Variants in PHYHIPL observed in about 807,000 individuals in gnomAD.
The protein encoded by PHYHIPL is phytanoyl-CoA 2-hydroxylase interacting protein like, also known as phytanoyl-CoA hydroxylase-interacting protein-like.
In PHYHIPL, 9 loss-of-function variants were observed where a neutral mutation model predicts 33.4. The observed-to-expected ratio is 0.27, with a 90% CI of 0.16 to 0.47. The LOEUF (loss-of-function observed/expected upper bound fraction) is 0.47, where lower values mean the gene tolerates loss of function less well. PHYHIPL is among the 20% of genes least tolerant of loss of function. The pLI is 0.99. For synonymous variants in PHYHIPL, 153 were observed against 154.1 expected (o/e 0.99, Z 0.05); for missense variants, 365 against 460.7 (o/e 0.79, Z 1.90).
At chr10:59,202,197 C>A (rs951238819) in intron 1 of PHYHIPL, among the ~76,000 whole-genome samples, 3 of 151,988 alleles carry the variant, frequency 2.0e-5, no homozygotes, top group African/African-American at 7.2e-5. Flanking sequence ...AAAATATTAT[C>A]CCAAAGGAGT....
At chr10:59,205,802 A>G (rs1334231891) in intron 1 of PHYHIPL, among the ~76,000 whole-genome samples, 1 of 152,202 alleles carries the variant, frequency 6.6e-6, no homozygotes, top group Admixed American at 6.5e-5. Flanking sequence ...GGTGGCAGCA[A>G]CAACAATAGG....
chr10:59,222,473 A>G (rs12249089), intron 1 of PHYHIPL, among the ~76,000 whole-genome samples: 8,197 of 152,034 alleles, frequency 0.054, 436 homozygotes, highest in African/African-American at 0.13. Flanking sequence ...GTGGCAAGCT[A>G]TAAGGTTAAA....
intron 1 of PHYHIPL, among the ~76,000 whole-genome samples, chr10:59,220,908 T>A (rs1258389816): frequency 6.6e-6 from 1 of 152,062 alleles, no homozygotes; most frequent in Non-Finnish European, 1.5e-5. Flanking sequence ...AACTAAAAAA[T>A]TAAAAATTAT....
chr10:59,242,403 C>T (rs543449612), intron 4 of PHYHIPL, among the ~76,000 whole-genome samples: 2 of 144,650 alleles, frequency 1.4e-5, no homozygotes, highest in Non-Finnish European at 3.0e-5. Context: ...ACCCCATACT[C>T]TTCACCCACT....
upstream of PHYHIPL, among the ~76,000 whole-genome samples, chr10:59,174,707 C>A (rs1051130742): frequency 2.0e-5 from 3 of 152,094 alleles, no homozygotes; most frequent in Non-Finnish European, 2.9e-5. Context: ...CTATTTAAAG[C>A]CTTTTTAATA....
chr10:59,197,191 C>T (rs1289154630), intron 1 of PHYHIPL, among the ~76,000 whole-genome samples: 1 of 152,178 alleles, frequency 6.6e-6, no homozygotes, highest in Admixed American at 6.5e-5. Context: ...ATAAAAATCC[C>T]TTGAATTCTA....
rs1174704439 is a variant in PHYHIPL at position 59,240,634 on chromosome 10, A to G, written c.596+1929A>G. Among the ~76,000 whole-genome samples the G allele has an allele frequency of 2.0e-5, 3 of 152,128 alleles. No homozygotes were observed. In the East Asian group the frequency reaches 5.8e-4, roughly 29 times the overall value. On this transcript the variant is annotated intron_variant, in intron 4 of 4. Coordinates refer to ENST00000373880, the MANE Select transcript of PHYHIPL (RefSeq NM_032439.4). ...AAGTCAGGGACTGTCTGTATTTGTT[A>G]CGCATAAAATTTGAAAACAAAAAAA... is the stretch of plus-strand genomic sequence containing the variant.
intron 4 of PHYHIPL, among the ~76,000 whole-genome samples, chr10:59,243,633 G>A (rs1840494276): frequency 6.6e-6 from 1 of 152,102 alleles, no homozygotes; most frequent in Non-Finnish European, 1.5e-5. Flanking sequence ...TTCAGAGGCA[G>A]ATCCAGGCAT....
rs971738979 is a variant in PHYHIPL, at chr10:59,176,839, G to A, written c.-15G>A. The A allele has an allele frequency of 2.5e-6, 4 of 1,608,284 alleles. No homozygotes were observed. The highest frequency in any genetic ancestry group is 1.7e-5 in the Admixed American group (1 of 59,452). On this transcript the variant is annotated 5_prime_UTR_variant, in exon 1 of 5. Transcript: ENST00000373880. ...CTGGATACGAAGCAGGCGGGCTTCAGAGTGGGTTGGAAAAATGGAGGTGCC... is the reference window on the plus strand; with the variant it reads ...CTGGATACGAAGCAGGCGGGCTTCAAAGTGGGTTGGAAAAATGGAGGTGCC...
intron 1 of PHYHIPL, among the ~76,000 whole-genome samples, chr10:59,200,286 A>G (rs1839060015): frequency 6.6e-6 from 1 of 152,104 alleles, no homozygotes; most frequent in Non-Finnish European, 1.5e-5. Context: ...AATTTTGTCA[A>G]AGGCCTTTTC....
chr10:59,179,842 T>TACACACACACACACACAC (rs147836305), intron 1 of PHYHIPL, among the ~76,000 whole-genome samples: 1 of 134,794 alleles, frequency 7.4e-6, no homozygotes, highest in Non-Finnish European at 1.6e-5. Flanking sequence ...GCAAGACAGT[T>TACACACACACACACACAC]ACACACACAC....
At chr10:59,203,761 C>A (rs954025984) in intron 1 of PHYHIPL, among the ~76,000 whole-genome samples, 3 of 56,840 alleles carry the variant, frequency 5.3e-5, no homozygotes, top group Non-Finnish European at 9.8e-5. Context: ...ACACCAGGGC[C>A]TGTCGTGGGG....
upstream of PHYHIPL, among the ~76,000 whole-genome samples, chr10:59,174,532 A>G (rs1033277711): frequency 2.6e-5 from 4 of 152,186 alleles, no homozygotes; most frequent in East Asian, 5.8e-4. Context: ...TAAAAAGTAA[A>G]TATTTCTTTT....
Position 59,247,460 on chromosome 10 carries a change from A to G in PHYHIPL, c.*1869A>G, listed in dbSNP as rs191338969. 7.6e-5 allele frequency: 66 copies of G among 870,094 alleles called. No homozygotes were observed. The East Asian group carries it at 1.3e-3, about 17-fold the overall frequency. The allele number at this position is 870,094 out of a possible 1,614,324, so 53.9% of individuals were successfully genotyped here. On this transcript the variant is annotated 3_prime_UTR_variant, in exon 5 of 5. Coordinates refer to ENST00000373880, the MANE Select transcript of PHYHIPL (RefSeq NM_032439.4). Reference sequence around the variant, plus strand: ...CCGTTTAAATCCCTTCTCCTTGTATATAATTAAACTTGCTATTCCTTCTTA... The same window carrying G: ...CCGTTTAAATCCCTTCTCCTTGTATGTAATTAAACTTGCTATTCCTTCTTA...
chr10:59,195,763 G>A (rs896822202), intron 1 of PHYHIPL, among the ~76,000 whole-genome samples: 5 of 151,954 alleles, frequency 3.3e-5, no homozygotes, highest in African/African-American at 7.3e-5. Context: ...TAAATTATAT[G>A]CTTTAATTGT....
intron 1 of PHYHIPL, among the ~76,000 whole-genome samples, chr10:59,205,728 C>A (rs1203152432): frequency 6.6e-6 from 1 of 151,990 alleles, no homozygotes; most frequent in Admixed American, 6.6e-5. Context: ...ATGGCACAGT[C>A]CCTCATGGCT....
chr10:59,224,955 A>G (rs180821776), intron 1 of PHYHIPL, among the ~76,000 whole-genome samples: 7 of 152,072 alleles, frequency 4.6e-5, no homozygotes, highest in African/African-American at 1.7e-4. Flanking sequence ...ATTATAATAA[A>G]CTGCATAAGA....
chr10:59,224,497 A>AAACAC (rs370140471), intron 1 of PHYHIPL, among the ~76,000 whole-genome samples: 10,365 of 70,454 alleles, frequency 0.15, 748 homozygotes, highest in African/African-American at 0.24. Context: ...AAACAAAACA[A>AAACAC]AAAACAAAAC....
chr10:59,183,025 A>T (rs977437177), intron 1 of PHYHIPL, among the ~76,000 whole-genome samples: 5 of 152,194 alleles, frequency 3.3e-5, no homozygotes, highest in African/African-American at 1.2e-4. Flanking sequence ...ACTTTTCTAG[A>T]GGCATATCTC....
Sources: allele counts gnomAD v4.1 joint callset (sites outside exome capture counted in the v4.1 genomes callset), GRCh38; gene constraint gnomAD v4.1.1; transcripts MANE v1.5; gene names NCBI Gene and HGNC (gene_info 2026-07-23, HGNC 2026-07-21).